MED23: variants seen among roughly 807,000 people sequenced by gnomAD.
MED23 encodes mediator of RNA polymerase II transcription subunit 23.
Under a neutral mutation model 163.9 loss-of-function variants are expected in MED23, and 105 were observed. The observed-to-expected ratio is 0.64, with a 90% CI of 0.55 to 0.75. The LOEUF (loss-of-function observed/expected upper bound fraction) is 0.75. Among genes scored for constraint, MED23 ranks in the 30% least tolerant of loss-of-function variants. The pLI is 0.00. For missense variants in MED23, 1,054 were observed against 1,649.0 expected, an observed-to-expected ratio of 0.64 and a Z score of 6.25; for synonymous variants, 561 against 565.6, an observed-to-expected ratio of 0.99 and a Z score of 0.12.
chr6:131,597,884 G>A (rs771272975), intron 20 of MED23, among the ~76,000 whole-genome samples: 20 of 151,814 alleles, frequency 1.3e-4, no homozygotes, highest in Non-Finnish European at 2.5e-4. Context: ...CCAGGAGTTC[G>A]AGACCAGCCT....
At chr6:131,574,214 A>AT in exon 31 of MED23, 1 of 1,551,256 alleles carries the variant, frequency 6.4e-7, no homozygotes, top group East Asian at 2.2e-5. Flanking sequence ...ACTAAGGTTG[A>AT]TTTTCTCCAG....
At chr6:131,591,616 A>T (rs1774642981) in intron 25 of MED23, 89 bp from the exon 26 acceptor site, 1 of 1,049,732 alleles carries the variant, frequency 9.5e-7, no homozygotes, top group South Asian at 1.3e-5. Flanking sequence ...CTCATTCTTT[A>T]AAGTTTTCTA....
exon 31 of MED23, chr6:131,574,113 CAGAACACCTT>C: frequency 1.3e-6 from 1 of 749,076 alleles, no homozygotes; most frequent in Non-Finnish European, 2.4e-6. Context: ...AGTGTGATGA[CAGAACACCTT>C]AGACTTCAAC....
chr6:131,583,457 A>G, downstream of MED23: 1 of 1,614,152 alleles, frequency 6.2e-7, no homozygotes, highest in Non-Finnish European at 8.5e-7. Flanking sequence ...CATACAGAGA[A>G]GGTCTCTACA....
chr6:131,612,705 T>G (rs1347026395), intron 10 of MED23, among the ~76,000 whole-genome samples: 1 of 152,156 alleles, frequency 6.6e-6, no homozygotes, highest in Non-Finnish European at 1.5e-5. Flanking sequence ...TAGCCCAAAC[T>G]ATACTGAAAC....
chr6:131,593,782 G>A (rs1051390852), intron 23 of MED23, among the ~76,000 whole-genome samples: 3 of 151,970 alleles, frequency 2.0e-5, no homozygotes, highest in African/African-American at 7.2e-5. Context: ...GCACACAGAT[G>A]CATGTGCTAC....
chr6:131,610,615 G>A (rs991599812), intron 10 of MED23, among the ~76,000 whole-genome samples: 1 of 152,120 alleles, frequency 6.6e-6, no homozygotes, highest in Admixed American at 6.5e-5. Context: ...TATTAATTTT[G>A]CAATCTAAGT....
chr6:131,607,796 GC>G, intron 12 of MED23, 131 bp downstream of exon 12: 2 of 995,700 alleles, frequency 2.0e-6, no homozygotes, highest in Non-Finnish European at 3.0e-6. Flanking sequence ...GAAAGAGCTT[GC>G]TACACTTAAC....
intron 30 of MED23, among the ~76,000 whole-genome samples, chr6:131,577,927 G>A (rs1249249643): frequency 1.3e-5 from 2 of 149,972 alleles, no homozygotes; most frequent in Non-Finnish European, 1.5e-5. Flanking sequence ...AAAAGAAAAA[G>A]GAATGGACCG....
chr6:131,593,698 AAT>A (rs1235977181), intron 23 of MED23, among the ~76,000 whole-genome samples: 2 of 152,116 alleles, frequency 1.3e-5, no homozygotes, highest in African/African-American at 2.4e-5. Context: ...AATAAAGAAA[AAT>A]ATATTTTATC....
chr6:131,583,623 A>C, downstream of MED23: 1 of 1,517,474 alleles, frequency 6.6e-7, no homozygotes, highest in Non-Finnish European at 9.1e-7. Flanking sequence ...GCAATAACTA[A>C]AGTGTTTTCC....
At chr6:131,597,944 A>C (rs1162119832) in intron 20 of MED23, among the ~76,000 whole-genome samples, 1 of 152,092 alleles carries the variant, frequency 6.6e-6, no homozygotes, top group Non-Finnish European at 1.5e-5. Flanking sequence ...AAAGAAAAAA[A>C]ACTAGCTGGG....
Position 131,586,823 on chromosome 6 carries a change from T to A in MED23, c.*856A>T, listed in dbSNP as rs1038290543. ...ATGCCAATTCCCCCAAAATTAACAA[T>A]GTCTCTCAAAATCCAAGAAATAAAA... On this transcript the variant is annotated 3_prime_UTR_variant, in exon 29 of 29. Coordinates refer to ENST00000368068, the MANE Select transcript of MED23 (RefSeq NM_004830.4). The A allele has an allele frequency of 5.3e-6, 8 of 1,519,638 alleles. No homozygotes were observed. The highest frequency in any genetic ancestry group is 1.4e-5 in the African/African-American group (1 of 72,344). The allele number at this position is 1,519,638 out of a possible 1,614,324, so 94.1% of individuals were successfully genotyped here. A position where few individuals can be genotyped will look rare whatever the true frequency, so the allele number is the denominator to read the frequency against.
At chr6:131,608,166 G>T in intron 11 of MED23, 95 bp from the exon 12 acceptor site, 1 of 1,370,742 alleles carries the variant, frequency 7.3e-7, no homozygotes, top group Non-Finnish European at 1.0e-6. Flanking sequence ...TTTTTAAGGA[G>T]AAACCTGGTT....
At chr6:131,592,362 A>G (rs760571799) in intron 25 of MED23, 26 bp downstream of exon 25, 1 of 1,602,134 alleles carries the variant, frequency 6.2e-7, no homozygotes, top group Non-Finnish European at 8.6e-7. Context: ...TTCATCACTA[A>G]GTACAAATCA....
At position 131,576,349 on chromosome 6, in the gene MED23, G is replaced by A. The variant is rs551387878; in HGVS notation, c.4096-2054C>T. Among the ~76,000 whole-genome samples the A allele has an allele frequency of 3.9e-5, 6 of 152,316 alleles. No homozygotes were observed. The East Asian group carries it at 1.2e-3, about 29-fold the overall frequency. On this transcript the variant is annotated intron_variant, in intron 30 of 30. Coordinates refer to the MED23 transcript ENST00000354577. ...TACTTGTTCACTGTGTTGATAACAT[G>A]GTTTGACGGGAAGAGGGGATGTAGG...
chr6:131,606,717 C>A, intron 12 of MED23, 93 bp from the exon 13 acceptor site: 1 of 1,101,290 alleles, frequency 9.1e-7, no homozygotes, highest in East Asian at 2.6e-5. Flanking sequence ...TAATATAACT[C>A]TTTTTAGCAT....
chr6:131,623,914 C>T (rs1284724022), intron 4 of MED23, among the ~76,000 whole-genome samples: 1 of 152,202 alleles, frequency 6.6e-6, no homozygotes, highest in East Asian at 1.9e-4. Flanking sequence ...TTTATCCTCA[C>T]AAGTGTCTTT....
Position 131,623,430 on chromosome 6 carries a change from G to C in MED23, c.317C>G (p.Thr106Ser). The change falls in exon 5 of 29, where the codon ACT (threonine) becomes AGT (serine). Residue 106 changes from threonine to serine, a missense_variant. By Grantham distance (58) the Thr-to-Ser change is moderately conservative. Transcript: ENST00000368068. ...AAGCTGTGTTCTTTCCCACTCAAGAGTGTCAGAGTTTATCAGGGATTCACA... is the reference window on the plus strand; with the variant it reads ...AAGCTGTGTTCTTTCCCACTCAAGACTGTCAGAGTTTATCAGGGATTCACA... Reference protein sequence around the residue: ...LVCESLINSDTLEWERTQLWA... With the variant: ...LVCESLINSDSLEWERTQLWA... 1 of 1,614,104 alleles carries C rather than the reference G, an allele frequency of 6.2e-7. No individual in the cohort carries two copies. The highest frequency in any genetic ancestry group is 8.5e-7 in the Non-Finnish European group (1 of 1,180,016).
Sources: gnomAD v4.1 joint callset for allele counts (sites outside exome capture counted in the v4.1 genomes callset) on GRCh38, gnomAD v4.1.1 for gene constraint, MANE v1.5 for transcripts, NCBI Gene and HGNC (gene_info 2026-07-23, HGNC 2026-07-21) for gene names.